Variants in SDK2 observed in about 807,000 individuals in gnomAD.
SDK2 encodes the protein sidekick cell adhesion molecule 2.
In SDK2, 105 loss-of-function variants were observed where a neutral mutation model predicts 253.9. That is an observed-to-expected ratio of 0.41 (90% CI 0.35 to 0.49). SDK2 has a LOEUF of 0.49. Ranked by LOEUF, SDK2 falls within the 20% of genes least tolerant of loss-of-function variation. SDK2 has a pLI of 0.06. For missense variants in SDK2, 2,608 were observed against 3,003.0 expected (o/e 0.87, Z 3.07); for synonymous variants, 1,249 against 1,234.9 (o/e 1.01, Z -0.24).
At chr17:73,597,887 C>T (rs377010248) in intron 1 of SDK2, among the ~76,000 whole-genome samples, 25 of 152,188 alleles carry the variant, frequency 1.6e-4, no homozygotes, top group African/African-American at 4.3e-4. Flanking sequence ...CCTCGTGATC[C>T]GCCCACCTCA....
At chr17:73,552,276 C>T (rs530189567) in intron 1 of SDK2, among the ~76,000 whole-genome samples, 12 of 152,348 alleles carry the variant, frequency 7.9e-5, no homozygotes, top group South Asian at 4.1e-4. Context: ...TTTAATTTAA[C>T]GACACATTTT....
At chr17:73,477,580 C>T (rs936057407) in intron 2 of SDK2, among the ~76,000 whole-genome samples, 20 of 152,186 alleles carry the variant, frequency 1.3e-4, no homozygotes, top group Non-Finnish European at 1.9e-4. Flanking sequence ...TCCAGCGAGG[C>T]CGTGGATACA....
intron 18 of SDK2, among the ~76,000 whole-genome samples, chr17:73,411,548 G>A (rs1035680283): frequency 2.6e-5 from 4 of 152,006 alleles, no homozygotes; most frequent in Admixed American, 1.3e-4. Context: ...GCATCCTTCC[G>A]TCTGCCCCAC....
chr17:73,368,680 C>G, intron 36 of SDK2, 87 bp from the exon 37 acceptor site: 1 of 1,167,516 alleles, frequency 8.6e-7, no homozygotes, highest in Non-Finnish European at 1.2e-6. Flanking sequence ...CTCAGAGACA[C>G]CTTCATTGCT....
At chr17:73,362,641 T>C (rs938001421) in intron 38 of SDK2, among the ~76,000 whole-genome samples, 15 of 152,032 alleles carry the variant, frequency 9.9e-5, no homozygotes, top group Non-Finnish European at 1.2e-4. Flanking sequence ...TCCTCCCACC[T>C]TGGCCTCTCA....
intron 1 of SDK2, among the ~76,000 whole-genome samples, chr17:73,542,035 G>C (rs2044877028): frequency 1.3e-5 from 2 of 152,214 alleles, no homozygotes; most frequent in South Asian, 4.1e-4. Flanking sequence ...TCTGTGAAGT[G>C]CGTGTTGCCA....
intron 37 of SDK2, among the ~76,000 whole-genome samples, chr17:73,367,436 G>T (rs892936531): frequency 6.6e-6 from 1 of 151,900 alleles, no homozygotes; most frequent in African/African-American, 2.4e-5. Flanking sequence ...AGCACCTGCG[G>T]TTCCCTCTGC....
Position 73,609,266 on chromosome 17 carries a change from T to C in SDK2, c.64+34759A>G, listed in dbSNP as rs1021476853. 6.6e-6 allele frequency among the ~76,000 whole-genome samples: 1 copy of C among 151,452 alleles called. No homozygotes were observed. The highest frequency in any genetic ancestry group is 1.5e-5 in the Non-Finnish European group (1 of 67,828). On this transcript the variant is annotated intron_variant, in intron 1 of 44. Transcript: ENST00000392650. This position sits in a 1 kb window ranked among gnomAD's most constrained non-coding sequence, Gnocchi z 4.4. ...TACACATGGGTATCGCAGGCAGAGG[T>C]TGGATGAGATCACCAAGGGGTGGGT...
intron 1 of SDK2, among the ~76,000 whole-genome samples, chr17:73,608,015 G>C (rs1362965361): frequency 6.6e-6 from 1 of 151,980 alleles, no homozygotes; most frequent in Non-Finnish European, 1.5e-5. Flanking sequence ...GAAAGAATGT[G>C]GGTCCATGAC....
chr17:73,579,252 T>C (rs1430807698), intron 1 of SDK2, among the ~76,000 whole-genome samples: 1 of 152,180 alleles, frequency 6.6e-6, no homozygotes, highest in Non-Finnish European at 1.5e-5. Context: ...CAGATCCAAG[T>C]GATCATCTCA....
At chr17:73,500,037 G>GGGC (rs1165804736) in intron 2 of SDK2, among the ~76,000 whole-genome samples, 1 of 152,092 alleles carries the variant, frequency 6.6e-6, no homozygotes, top group African/African-American at 2.4e-5. Context: ...CCAGGGCACA[G>GGGC]ACCCAAGGAT....
chr17:73,632,585 T>C (rs1376671723), intron 1 of SDK2, among the ~76,000 whole-genome samples: 2 of 152,176 alleles, frequency 1.3e-5, no homozygotes, highest in Non-Finnish European at 1.5e-5. Context: ...AGATGGCTTA[T>C]TGTGGGACTT....
chr17:73,564,724 C>T (rs1375208357), intron 1 of SDK2, among the ~76,000 whole-genome samples: 1 of 152,000 alleles, frequency 6.6e-6, no homozygotes, highest in African/African-American at 2.4e-5. Flanking sequence ...ACTCGGGAGG[C>T]TGAGGCAGGA....
chr17:73,446,905 C>T (rs1047126125), intron 5 of SDK2, among the ~76,000 whole-genome samples: 2 of 152,056 alleles, frequency 1.3e-5, no homozygotes, highest in African/African-American at 4.8e-5. Flanking sequence ...GTAGGGAGAA[C>T]CAGGCCAGAA....
intron 39 of SDK2, 131 bp from the exon 40 acceptor site, chr17:73,358,335 A>G: frequency 8.1e-7 from 1 of 1,233,884 alleles, no homozygotes; most frequent in Non-Finnish European, 1.1e-6. Context: ...GAAGCCCTGC[A>G]AATGTCGCGG....
At chr17:73,471,970 T>C (rs2063654126) in intron 3 of SDK2, 142 bp downstream of exon 3, 1 of 636,718 alleles carries the variant, frequency 1.6e-6, no homozygotes, top group Non-Finnish European at 2.7e-6. Context: ...CAAAATGAGG[T>C]TGCTGGCTGG....
intron 1 of SDK2, among the ~76,000 whole-genome samples, chr17:73,538,574 T>C (rs1193811793): frequency 6.6e-6 from 1 of 152,188 alleles, no homozygotes; most frequent in African/African-American, 2.4e-5. Context: ...GATGAATGGA[T>C]GAGCAAACCA....
In SDK2 at chr17:73,534,196, A is replaced by G. The variant is rs1273650132; in HGVS notation, c.65-26599T>C. Among the ~76,000 whole-genome samples, 1 of 152,174 alleles carries G rather than the reference A, an allele frequency of 6.6e-6. No individual in the cohort carries two copies. Among genetic ancestry groups the G allele is most frequent in the African/African-American group, 2.4e-5 (1 of 41,448 alleles). On this transcript the variant is annotated intron_variant, in intron 1 of 44. Coordinates refer to ENST00000392650, the MANE Select transcript of SDK2 (RefSeq NM_001144952.2). The surrounding 1 kb of genome is among the most constrained non-coding windows in gnomAD (Gnocchi z 4.9). ...ACAATGCAGTGCAATGGCTGGTAGG[A>G]GAGACTCAGTACATCCTTGCTGAAG...
rs971157943 is a variant in SDK2, at chr17:73,618,937, C to T, written c.64+25088G>A. 5.9e-5 allele frequency among the ~76,000 whole-genome samples: 9 copies of T among 152,086 alleles called. No homozygotes were observed. Among genetic ancestry groups the T allele is most frequent in the African/African-American group, 1.4e-4 (6 of 41,394 alleles). ...ATCCCAGCACTTTGGGAGGCCAAGG[C>T]GGGTGGATCACTTGAGGTCAGGAGT... On this transcript the variant is annotated intron_variant, in intron 1 of 44. Coordinates refer to ENST00000392650, the MANE Select transcript of SDK2 (RefSeq NM_001144952.2). The surrounding 1 kb of genome is among the most constrained non-coding windows in gnomAD (Gnocchi z 4.1).
Sources: gnomAD v4.1 joint callset for allele counts (sites outside exome capture counted in the v4.1 genomes callset) on GRCh38, gnomAD v4.1.1 for gene constraint, Gnocchi (gnomAD v3.1) non-coding constraint, MANE v1.5 for transcripts, NCBI Gene and HGNC (gene_info 2026-07-23, HGNC 2026-07-21) for gene names.